The following CPA6 variants were observed in gnomAD, a reference collection of about 807,000 sequenced individuals.
CPA6 encodes carboxypeptidase A6.
In CPA6, 58 loss-of-function variants were observed where a neutral mutation model predicts 63.3. That is an observed-to-expected ratio of 0.92 (90% CI 0.74 to 1.14). The LOEUF (loss-of-function observed/expected upper bound fraction) is 1.14. Ranked by LOEUF, CPA6 falls within the 50% of genes most tolerant of loss-of-function variation. CPA6 has a pLI of 0.00. For synonymous variants in CPA6, 185 were observed against 179.0 expected, an observed-to-expected ratio of 1.03 and a Z score of -0.27; for missense variants, 565 against 526.6, an observed-to-expected ratio of 1.07 and a Z score of -0.71.
intron 1 of CPA6, among the ~76,000 whole-genome samples, chr8:67,625,807 G>A (rs921643115): frequency 1.3e-5 from 2 of 152,074 alleles, no homozygotes; most frequent in Admixed American, 6.6e-5. Context: ...CAACCCCAAA[G>A]GTGCACCAGG....
chr8:67,698,154 A>G (rs1425757), intron 1 of CPA6, among the ~76,000 whole-genome samples: 71,484 of 152,046 alleles, frequency 0.47, 19,953 homozygotes, highest in African/African-American at 0.79. Context: ...TGGCTAGGTA[A>G]TAATGAAGAG....
At chr8:67,616,245 G>A (rs1814944875) in intron 2 of CPA6, among the ~76,000 whole-genome samples, 1 of 152,194 alleles carries the variant, frequency 6.6e-6, no homozygotes, top group Non-Finnish European at 1.5e-5. Context: ...AATTACTGCT[G>A]TTGACTATGG....
intron 8 of CPA6, among the ~76,000 whole-genome samples, chr8:67,476,097 C>A (rs1350826768): frequency 6.6e-6 from 1 of 151,078 alleles, no homozygotes; most frequent in Non-Finnish European, 1.5e-5. Context: ...TCACGGCAAC[C>A]GTTCAAGCCA....
intron 1 of CPA6, among the ~76,000 whole-genome samples, chr8:67,637,388 G>A (rs1815492926): frequency 6.6e-6 from 1 of 151,590 alleles, no homozygotes. Flanking sequence ...ATGTAATAAT[G>A]TCATGAAATT....
At chr8:67,526,022 A>AC (rs138107964) in intron 2 of CPA6, among the ~76,000 whole-genome samples, 18,013 of 152,040 alleles carry the variant, frequency 0.12, 1,143 homozygotes, top group Admixed American at 0.16. Flanking sequence ...AATTTATGCA[A>AC]CCCCCTTCCC....
At chr8:67,570,010 ACAAAGGCAGTT>A (rs1813445051) in intron 2 of CPA6, 1 of 153,796 alleles carries the variant, frequency 6.5e-6, no homozygotes, top group Admixed American at 6.5e-5. Context: ...TGTATCAAGA[ACAAAGGCAGTT>A]CAAGGCCTGA....
At chr8:67,730,975 C>A (rs1351354799) in intron 1 of CPA6, among the ~76,000 whole-genome samples, 3 of 152,182 alleles carry the variant, frequency 2.0e-5, no homozygotes, top group Non-Finnish European at 4.4e-5. Flanking sequence ...CTTAAGAAAT[C>A]ATTATTTGCA....
intron 8 of CPA6, among the ~76,000 whole-genome samples, chr8:67,449,596 A>G (rs1810509458): frequency 6.6e-6 from 1 of 152,120 alleles, no homozygotes; most frequent in Admixed American, 6.6e-5. Context: ...CTATCCAAGG[A>G]CAGTTTTATG....
intron 2 of CPA6, among the ~76,000 whole-genome samples, chr8:67,609,070 C>T (rs186308033): frequency 1.3e-5 from 2 of 152,344 alleles, no homozygotes; most frequent in East Asian, 3.9e-4. Flanking sequence ...GGTATCTGTT[C>T]ATCCTAGACT....
intron 6 of CPA6, among the ~76,000 whole-genome samples, chr8:67,505,013 T>C (rs1018558306): frequency 1.3e-5 from 2 of 152,184 alleles, no homozygotes; most frequent in African/African-American, 4.8e-5. Context: ...TTGACAGTCA[T>C]TGCATATGCC....
intron 2 of CPA6, among the ~76,000 whole-genome samples, chr8:67,616,613 G>T (rs1809437): frequency 0.23 from 34,503 of 150,796 alleles, 4,150 homozygotes; most frequent in Middle Eastern, 0.32. Flanking sequence ...AGACTCTCTT[G>T]TACATACCTT....
In CPA6 at chr8:67,422,323, G is replaced by A. The variant is rs1809780791; in HGVS notation, c.*181C>T. ...GGATGCTTTTTCTTATAACAAACTA[G>A]GCTATGCCCTGTTTTTTACTGTTTT... On this transcript the variant is annotated 3_prime_UTR_variant, in exon 11 of 11. Coordinates refer to ENST00000297770, the MANE Select transcript of CPA6 (RefSeq NM_020361.5). 2 of 464,640 alleles carry A rather than the reference G, an allele frequency of 4.3e-6. No homozygotes were observed. The highest frequency in any genetic ancestry group is 6.1e-5 in the East Asian group (2 of 33,024). 28.8% of individuals were successfully genotyped at this position (464,640 alleles called of 1,614,324 possible).
At chr8:67,559,231 T>C (rs1390599502) in intron 2 of CPA6, among the ~76,000 whole-genome samples, 2 of 152,212 alleles carry the variant, frequency 1.3e-5, no homozygotes, top group Non-Finnish European at 2.9e-5. Flanking sequence ...AATATTTTTA[T>C]ATATGTGACC....
intron 1 of CPA6, among the ~76,000 whole-genome samples, chr8:67,694,538 T>G (rs1816874497): frequency 6.6e-6 from 1 of 152,190 alleles, no homozygotes. Flanking sequence ...TATACAACAT[T>G]GGGCCTGAGC....
intron 1 of CPA6, among the ~76,000 whole-genome samples, chr8:67,695,530 C>T (rs964080683): frequency 5.9e-5 from 9 of 152,334 alleles, no homozygotes; most frequent in African/African-American, 2.2e-4. Flanking sequence ...CTTGGACTTA[C>T]AGAATGCTTT....
At chr8:67,555,989 C>A (rs1813051412) in intron 2 of CPA6, among the ~76,000 whole-genome samples, 1 of 152,168 alleles carries the variant, frequency 6.6e-6, no homozygotes, top group African/African-American at 2.4e-5. Context: ...GTAGTTCCAT[C>A]TTGCTTCCAT....
At chr8:67,515,748 AC>A (rs897937436) in intron 3 of CPA6, among the ~76,000 whole-genome samples, 2 of 152,006 alleles carry the variant, frequency 1.3e-5, no homozygotes, top group African/African-American at 4.8e-5. Flanking sequence ...TCTTGACTGC[AC>A]CAGCCTCAAA....
At chr8:67,610,474 A>C (rs1814777465) in intron 2 of CPA6, among the ~76,000 whole-genome samples, 1 of 152,192 alleles carries the variant, frequency 6.6e-6, no homozygotes, top group African/African-American at 2.4e-5. Context: ...TTATTCTATG[A>C]CTTTTTAATA....
At chr8:67,731,263 CAA>C (rs1191743987) in intron 1 of CPA6, among the ~76,000 whole-genome samples, 1 of 152,142 alleles carries the variant, frequency 6.6e-6, no homozygotes, top group Non-Finnish European at 1.5e-5. Context: ...TTTTCACACA[CAA>C]AAAAAGAGGC....
Sources: gnomAD v4.1 joint callset for allele counts (sites outside exome capture counted in the v4.1 genomes callset) on GRCh38, gnomAD v4.1.1 for gene constraint, MANE v1.5 for transcripts, NCBI Gene and HGNC (gene_info 2026-07-23, HGNC 2026-07-21) for gene names.